Variants in GHR observed in about 807,000 individuals in gnomAD.
GHR encodes the protein growth hormone receptor.
Under a neutral mutation model 67.1 loss-of-function variants are expected in GHR, and 35 were observed. That is an observed-to-expected ratio of 0.52 (90% CI 0.40 to 0.69). The LOEUF is 0.69. GHR is among the 30% of genes least tolerant of loss of function. GHR has a pLI of 0.00. For synonymous variants in GHR, 272 were observed against 269.1 expected (o/e 1.01, Z -0.10); for missense variants, 792 against 764.6 (o/e 1.04, Z -0.42).
chr5:42,701,355 G>C (rs763660359), intron 6 of GHR, among the ~76,000 whole-genome samples: 6 of 152,086 alleles, frequency 3.9e-5, no homozygotes, highest in Non-Finnish European at 8.8e-5. Flanking sequence ...ACTAAACCTC[G>C]ACCTTTGAGT....
chr5:42,507,571 A>G (rs1006410822), intron 1 of GHR, among the ~76,000 whole-genome samples: 3 of 152,222 alleles, frequency 2.0e-5, no homozygotes, highest in African/African-American at 7.2e-5. Flanking sequence ...AAGACACACA[A>G]TCTAACTCAG....
intron 1 of GHR, among the ~76,000 whole-genome samples, chr5:42,564,353 TGTGTGAGATTTATTTGAAATCTCACAAA>T (rs1561125707): frequency 1.5e-5 from 2 of 133,554 alleles, no homozygotes; most frequent in African/African-American, 5.8e-5. Context: ...AATCTCACAA[TGTGTGAGATTTATTTGAAATCTCACAAA>T]GTGTGTTCAT....
intron 1 of GHR, among the ~76,000 whole-genome samples, chr5:42,503,517 T>C (rs546551075): frequency 6.6e-6 from 1 of 152,242 alleles, no homozygotes; most frequent in African/African-American, 2.4e-5. Flanking sequence ...GAATGAAGAA[T>C]GGCTTTGAAG....
chr5:42,423,675 C>T lies in GHR; in HGVS notation c.-292C>T, dbSNP rs2111846207. ...TTCCCACCCCTGCCCTCCCATCCTC[C>T]CTTCCCGTTTCACCCCGCCCCCTCT... On this transcript the variant is annotated 5_prime_UTR_variant, in exon 1 of 10. Transcript: ENST00000230882. The T allele has an allele frequency of 6.5e-6, 1 of 153,738 alleles. No individual in the cohort carries two copies. The highest frequency in any genetic ancestry group is 1.9e-4 in the East Asian group (1 of 5,192). 9.5% of individuals were successfully genotyped at this position (153,738 alleles called of 1,614,324 possible). A position where few individuals can be genotyped will look rare whatever the true frequency, so the allele number is the denominator to read the frequency against.
chr5:42,438,811 A>C lies in GHR; in HGVS notation c.-12+14856A>C, dbSNP rs150037323. 5.8e-3 allele frequency among the ~76,000 whole-genome samples: 889 copies of C among 152,286 alleles called. 3 individuals are homozygous for C. Among genetic ancestry groups the C allele is most frequent in the Admixed American group, 0.011 (171 of 15,292 alleles). On this transcript the variant is annotated intron_variant, in intron 1 of 9. Transcript: ENST00000230882. ...CCCAGTGGAGCCTCGAGATGACTGC[A>C]GTCTTCCACCAACAGCTTGATTCAT...
chr5:42,681,935 C>CAAAAA (rs11443605), intron 3 of GHR, among the ~76,000 whole-genome samples: 1 of 79,522 alleles, frequency 1.3e-5, no homozygotes, highest in Non-Finnish European at 2.2e-5. Context: ...GACTCCGTCT[C>CAAAAA]AAAAAAAAAA....
chr5:42,715,283 G>A (rs1758665964), intron 8 of GHR, among the ~76,000 whole-genome samples: 1 of 152,174 alleles, frequency 6.6e-6, no homozygotes, highest in Non-Finnish European at 1.5e-5. Context: ...GGAAATAGTA[G>A]CAAATATTTG....
At position 42,706,407 on chromosome 5, in the gene GHR, G is replaced by A. The variant is rs1430300211; in HGVS notation, c.619-4800G>A. ...TCTTTGGTTTAATTAGATCCCATTT[G>A]TCAATTTTTGTTTTTGTTGCAATTG... On this transcript the variant is annotated intron_variant, in intron 6 of 9. Transcript: ENST00000230882. Among the ~76,000 whole-genome samples, 3 of 152,066 alleles carry A rather than the reference G, an allele frequency of 2.0e-5. No individual in the cohort carries two copies. In the East Asian group the frequency reaches 5.8e-4, roughly 29 times the overall value.
At chr5:42,468,297 C>T (rs1442898667) in intron 1 of GHR, 1 of 1,575,064 alleles carries the variant, frequency 6.3e-7, no homozygotes, top group African/African-American at 1.4e-5. Flanking sequence ...GGCCTAGGGC[C>T]ATGGCTTCTC....
chr5:42,574,743 A>C (rs1481925612), intron 2 of GHR, among the ~76,000 whole-genome samples: 2 of 152,222 alleles, frequency 1.3e-5, no homozygotes, highest in East Asian at 1.9e-4. Context: ...GAACTTTAAC[A>C]TGAGATGTAT....
intron 6 of GHR, among the ~76,000 whole-genome samples, chr5:42,710,329 G>A (rs1758392400): frequency 6.6e-6 from 1 of 151,830 alleles, no homozygotes; most frequent in African/African-American, 2.4e-5. Flanking sequence ...TGTTGAAAAC[G>A]CGAGTGTTTA....
intron 1 of GHR, among the ~76,000 whole-genome samples, chr5:42,538,978 T>A (rs1748382468): frequency 2.0e-5 from 3 of 152,158 alleles, no homozygotes; most frequent in Non-Finnish European, 2.9e-5. Flanking sequence ...GCTGAGACTT[T>A]CCAGAGCGTT....
chr5:42,460,496 T>C (rs886233540), intron 1 of GHR, among the ~76,000 whole-genome samples: 1 of 152,210 alleles, frequency 6.6e-6, no homozygotes, highest in African/African-American at 2.4e-5. Context: ...TGCTGATCCA[T>C]AGTAAGCACT....
intron 1 of GHR, among the ~76,000 whole-genome samples, chr5:42,506,062 A>C (rs950028271): frequency 3.3e-5 from 5 of 152,204 alleles, no homozygotes; most frequent in Admixed American, 2.0e-4. Context: ...ATATTTATTT[A>C]GGACTTGCTC....
At chr5:42,712,160 A>G (rs1758492790) in intron 7 of GHR, among the ~76,000 whole-genome samples, 1 of 152,158 alleles carries the variant, frequency 6.6e-6, no homozygotes, top group African/African-American at 2.4e-5. Context: ...TGAAACAACC[A>G]CAAGCTACAT....
intron 2 of GHR, among the ~76,000 whole-genome samples, chr5:42,621,588 G>T (rs890325794): frequency 1.3e-5 from 2 of 152,110 alleles, no homozygotes; most frequent in Admixed American, 1.3e-4. Flanking sequence ...TTATCATTGC[G>T]CATTGATTCT....
At chr5:42,544,758 T>G (rs1465423752) in intron 1 of GHR, among the ~76,000 whole-genome samples, 1 of 152,196 alleles carries the variant, frequency 6.6e-6, no homozygotes, top group Non-Finnish European at 1.5e-5. Context: ...CCATTCCATT[T>G]ATTTAAACAA....
At chr5:42,527,527 A>G (rs1747762289) in intron 1 of GHR, among the ~76,000 whole-genome samples, 1 of 152,242 alleles carries the variant, frequency 6.6e-6, no homozygotes, top group Non-Finnish European at 1.5e-5. Flanking sequence ...CTAAATGTAT[A>G]TGTACCCAAC....
At chr5:42,589,830 A>G (rs995714295) in intron 2 of GHR, among the ~76,000 whole-genome samples, 1 of 152,246 alleles carries the variant, frequency 6.6e-6, no homozygotes, top group Non-Finnish European at 1.5e-5. Flanking sequence ...AAATCATCAG[A>G]TGGGTTACCA....
Sources: allele counts gnomAD v4.1 joint callset (sites outside exome capture counted in the v4.1 genomes callset), GRCh38; gene constraint gnomAD v4.1.1; transcripts MANE v1.5; gene names NCBI Gene and HGNC (gene_info 2026-07-23, HGNC 2026-07-21).